The following CFAP20DC variants were observed in gnomAD, a reference collection of about 807,000 sequenced individuals.
The protein encoded by CFAP20DC is protein CFAP20DC.
In CFAP20DC, 84 loss-of-function variants were observed where a neutral mutation model predicts 101.7. That is an observed-to-expected ratio of 0.83 (90% CI 0.69 to 0.99). The LOEUF (loss-of-function observed/expected upper bound fraction) is 0.99, where lower values mean the gene tolerates loss of function less well. Ranked by LOEUF, CFAP20DC falls within the 50% of genes least tolerant of loss-of-function variation. The pLI is 0.00. For missense variants in CFAP20DC, 1,007 were observed against 970.3 expected (o/e 1.04, Z -0.50); for synonymous variants, 359 against 351.2 (o/e 1.02, Z -0.25).
chr3:59,049,139 T>C (rs1417164017), intron 1 of CFAP20DC, among the ~76,000 whole-genome samples: 1 of 152,256 alleles, frequency 6.6e-6, no homozygotes, highest in Admixed American at 6.5e-5. Flanking sequence ...CTCCCAGTTC[T>C]GTAAAAATAA....
At chr3:59,037,827 G>A (rs922716164) in intron 4 of CFAP20DC, among the ~76,000 whole-genome samples, 26 of 152,132 alleles carry the variant, frequency 1.7e-4, no homozygotes, top group African/African-American at 3.4e-4. Context: ...ACATGCACAC[G>A]TATGTTTATT....
chr3:58,823,477 C>T (rs2075830419), intron 14 of CFAP20DC, among the ~76,000 whole-genome samples: 1 of 152,030 alleles, frequency 6.6e-6, no homozygotes, highest in South Asian at 2.1e-4. Context: ...TTATTGAGTA[C>T]TTATGCTAAT....
At chr3:58,817,223 C>A (rs1018512968) in intron 14 of CFAP20DC, among the ~76,000 whole-genome samples, 1 of 152,090 alleles carries the variant, frequency 6.6e-6, no homozygotes, top group Non-Finnish European at 1.5e-5. Flanking sequence ...AACTCTAAAA[C>A]GCAGAGCGCC....
chr3:58,851,181 C>T (rs2078195629), intron 12 of CFAP20DC, among the ~76,000 whole-genome samples: 1 of 152,076 alleles, frequency 6.6e-6, no homozygotes, highest in Admixed American at 6.6e-5. Flanking sequence ...AAAGAGGAGT[C>T]ATTGTGTGAA....
chr3:58,717,499 T>C lies in CFAP20DC; in HGVS notation c.*89A>G, dbSNP rs189089425. Reference sequence around the variant, plus strand: ...GTGAAATGTGTTCTGGAAACTGTAGTTCAGGATGAGTATAGATGCTCAAGG... The same window carrying C: ...GTGAAATGTGTTCTGGAAACTGTAGCTCAGGATGAGTATAGATGCTCAAGG... On this transcript the variant is annotated 3_prime_UTR_variant, in exon 4 of 4. Transcript: ENST00000486145. The surrounding 1 kb of genome is among the most constrained non-coding windows in gnomAD (Gnocchi z 4.1). 2,110 of 369,382 alleles carry C rather than the reference T, an allele frequency of 5.7e-3. 19 individuals are homozygous for C. Among genetic ancestry groups the C allele is most frequent in the Non-Finnish European group, 9.5e-3 (1,752 of 185,252 alleles). The allele number at this position is 369,382 out of a possible 1,614,324, so 22.9% of individuals were successfully genotyped here. A position where few individuals can be genotyped will look rare whatever the true frequency, so the allele number is the denominator to read the frequency against.
At chr3:58,910,674 T>A (rs570653331) in intron 6 of CFAP20DC, among the ~76,000 whole-genome samples, 16 of 152,116 alleles carry the variant, frequency 1.1e-4, no homozygotes, top group Non-Finnish European at 2.2e-4. Context: ...TATTTCTGTT[T>A]CTTCTAGTCT....
At position 58,815,388 on chromosome 3, in the gene CFAP20DC, C is replaced by A. The variant is rs1214332388; in HGVS notation, c.2176-8932G>T. On this transcript the variant is annotated intron_variant, in intron 14 of 16. Coordinates refer to ENST00000482387, the MANE Select transcript of CFAP20DC (RefSeq NM_001394063.1). ...TGGATTAAAGACTTAAACGTTAGACCTAAAACCATAAAAACCCTAGAAGAA... is the reference window on the plus strand; with the variant it reads ...TGGATTAAAGACTTAAACGTTAGACATAAAACCATAAAAACCCTAGAAGAA... Among the ~76,000 whole-genome samples the A allele has an allele frequency of 7.2e-4, 105 of 144,922 alleles. 3 individuals carry two copies. The highest frequency in any genetic ancestry group is 2.6e-3 in the African/African-American group (102 of 39,076).
At chr3:58,806,634 G>T (rs1360102771) in intron 14 of CFAP20DC, among the ~76,000 whole-genome samples, 178 bp from the exon 15 acceptor site, 1 of 152,212 alleles carries the variant, frequency 6.6e-6, no homozygotes, top group Admixed American at 6.5e-5. Context: ...CTCCCAGCGT[G>T]AGCGATGCAG....
At chr3:59,027,344 G>A (rs993634130) in intron 4 of CFAP20DC, among the ~76,000 whole-genome samples, 9 of 152,048 alleles carry the variant, frequency 5.9e-5, no homozygotes, top group African/African-American at 1.7e-4. Context: ...ACTTCAAACA[G>A]CTAAGGGCTC....
rs183560540 is a variant in CFAP20DC at position 58,896,365 on chromosome 3, T to C, written c.551-11656A>G. Among the ~76,000 whole-genome samples the C allele has an allele frequency of 1.4e-3, 218 of 152,240 alleles. 2 individuals carry two copies. Among genetic ancestry groups the C allele is most frequent in the Non-Finnish European group, 2.5e-3 (172 of 68,006 alleles). On this transcript the variant is annotated intron_variant, in intron 6 of 16. Transcript: ENST00000482387. Reference sequence around the variant, plus strand: ...GGACTCGTTGATTTTTTGAAAGGTATTTTGTGTCTCTATCTCCTTCATTTC... The same window carrying C: ...GGACTCGTTGATTTTTTGAAAGGTACTTTGTGTCTCTATCTCCTTCATTTC...
Position 58,972,601 on chromosome 3 carries a change from G to C in CFAP20DC, c.279-34839C>G, listed in dbSNP as rs546561579. 3.9e-5 allele frequency among the ~76,000 whole-genome samples: 6 copies of C among 152,192 alleles called. No homozygotes were observed. The South Asian group carries it at 1.2e-3, about 32-fold the overall frequency. Reference sequence around the variant, plus strand: ...AATTAGAAAGCTTTTCTTCTAATTTGAATTAGGCTGGAAGCTTATCAATGT... The same window carrying C: ...AATTAGAAAGCTTTTCTTCTAATTTCAATTAGGCTGGAAGCTTATCAATGT... On this transcript the variant is annotated intron_variant, in intron 4 of 16. Transcript: ENST00000482387.
chr3:59,017,899 A>G (rs953077670), intron 4 of CFAP20DC: 2 of 152,134 alleles, frequency 1.3e-5, no homozygotes, highest in Non-Finnish European at 2.9e-5. Context: ...CTCTGTCCTC[A>G]TGGTCACAGG....
At chr3:58,974,295 T>C (rs1025850703) in intron 4 of CFAP20DC, among the ~76,000 whole-genome samples, 1 of 152,140 alleles carries the variant, frequency 6.6e-6, no homozygotes, top group African/African-American at 2.4e-5. Flanking sequence ...GTGTCTTTTG[T>C]TCCCCTCTTT....
chr3:58,930,102 A>T (rs1326671799), intron 5 of CFAP20DC, among the ~76,000 whole-genome samples: 1 of 151,684 alleles, frequency 6.6e-6, no homozygotes, highest in Non-Finnish European at 1.5e-5. Flanking sequence ...CTCTCCTTTT[A>T]CTCTGTAGTT....
chr3:58,730,004 G>T (rs2067613434), intron 3 of CFAP20DC, among the ~76,000 whole-genome samples: 1 of 141,460 alleles, frequency 7.1e-6, no homozygotes, highest in Non-Finnish European at 1.5e-5. Context: ...GGCAATGAGA[G>T]CGAAACCTGT....
rs141404799 is a variant in CFAP20DC at position 58,799,908 on chromosome 3, G to A, written c.2237+6487C>T. ...TCCTGAGGAGAGGATGTTTATTTACGTGGAGACTCTACTGACAGGGAGAGG... is the reference window on the plus strand; with the variant it reads ...TCCTGAGGAGAGGATGTTTATTTACATGGAGACTCTACTGACAGGGAGAGG... On this transcript the variant is annotated intron_variant, in intron 15 of 16. Coordinates refer to ENST00000482387, the MANE Select transcript of CFAP20DC (RefSeq NM_001394063.1). The surrounding 1 kb of genome is among the most constrained non-coding windows in gnomAD (Gnocchi z 4.9). Among the ~76,000 whole-genome samples the A allele has an allele frequency of 2.0e-5, 3 of 152,304 alleles. No individual in the cohort carries two copies. Among genetic ancestry groups the A allele is most frequent in the East Asian group, 1.9e-4 (1 of 5,184 alleles).
intron 4 of CFAP20DC, among the ~76,000 whole-genome samples, chr3:58,990,563 T>C (rs1042761568): frequency 1.1e-4 from 16 of 152,194 alleles, no homozygotes; most frequent in Non-Finnish European, 5.9e-5. Flanking sequence ...GAGGTACTTA[T>C]CCTGACCATT....
chr3:58,816,322 A>C (rs1296836942), intron 14 of CFAP20DC, among the ~76,000 whole-genome samples: 1 of 152,182 alleles, frequency 6.6e-6, no homozygotes, highest in Non-Finnish European at 1.5e-5. Flanking sequence ...TCTGGTCTAC[A>C]GCTCCCAGAG....
At position 58,783,424 on chromosome 3, in the gene CFAP20DC, T is replaced by A. The variant is rs183506759; in HGVS notation, c.2237+22971A>T. ...ACAAACAAAACCAAAAATAGATAAATAGGACTATATTAAATAAAAAAGCTT... is the reference window on the plus strand; with the variant it reads ...ACAAACAAAACCAAAAATAGATAAAAAGGACTATATTAAATAAAAAAGCTT... On this transcript the variant is annotated intron_variant, in intron 15 of 16. Transcript: ENST00000482387. 2.2e-3 allele frequency among the ~76,000 whole-genome samples: 333 copies of A among 151,668 alleles called. 4 individuals are homozygous for A. Among genetic ancestry groups the A allele is most frequent in the African/African-American group, 7.7e-3 (318 of 41,352 alleles).
Sources: allele counts gnomAD v4.1 joint callset (sites outside exome capture counted in the v4.1 genomes callset), GRCh38; gene constraint gnomAD v4.1.1; non-coding constraint Gnocchi (gnomAD v3.1); transcripts MANE v1.5; gene names NCBI Gene and HGNC (gene_info 2026-07-23, HGNC 2026-07-21).